The following GNG4 variants were observed in gnomAD, a reference collection of about 807,000 sequenced individuals.
The protein encoded by GNG4 is G protein subunit gamma 4, also known as guanine nucleotide-binding protein G(I)/G(S)/G(O) subunit gamma-4.
In GNG4, 4 loss-of-function variants were observed where a neutral mutation model predicts 5.8. The ratio of observed to expected loss-of-function variants is 0.69; its 90% CI spans 0.34 to 1.57. GNG4 has a LOEUF of 1.57. Among genes scored for constraint, GNG4 ranks in the 40% most tolerant of loss-of-function variants. The probability of loss-of-function intolerance (pLI) is 0.06; values close to 1 mark genes in which losing one functional copy is unlikely to be tolerated. For missense variants in GNG4, 96 were observed against 95.1 expected, an observed-to-expected ratio of 1.01 and a Z score of -0.04; for synonymous variants, 29 against 32.9, an observed-to-expected ratio of 0.88 and a Z score of 0.41.
intron 1 of GNG4, among the ~76,000 whole-genome samples, chr1:235,601,863 C>T (rs902167455): frequency 2.6e-5 from 4 of 152,142 alleles, no homozygotes; most frequent in East Asian, 1.9e-4. Context: ...CAAGGGCAGG[C>T]GAGGACAGTG....
chr1:235,559,854 A>C (rs570075808), intron 3 of GNG4, among the ~76,000 whole-genome samples: 1 of 152,356 alleles, frequency 6.6e-6, no homozygotes, highest in South Asian at 2.1e-4. Context: ...TAAATCTAAG[A>C]TGCTTGAAAG....
chr1:235,650,145 G>T (rs1657638040), upstream of GNG4, among the ~76,000 whole-genome samples: 1 of 149,444 alleles, frequency 6.7e-6, no homozygotes, highest in Non-Finnish European at 1.5e-5. Context: ...CCCGCTACTC[G>T]GGCCCACGCC....
At chr1:235,616,243 G>C in intron 1 of GNG4, 1 of 508,910 alleles carries the variant, frequency 2.0e-6, no homozygotes, top group Non-Finnish European at 3.9e-6. Flanking sequence ...ATATTGCTGT[G>C]GTTGATATGT....
At chr1:235,618,206 C>T (rs1688637208) in intron 1 of GNG4, among the ~76,000 whole-genome samples, 1 of 152,212 alleles carries the variant, frequency 6.6e-6, no homozygotes, top group African/African-American at 2.4e-5. Context: ...GTTTGGGGCA[C>T]TGCAGATGTT....
At chr1:235,591,657 A>G (rs1450401208) in intron 2 of GNG4, among the ~76,000 whole-genome samples, 1 of 152,234 alleles carries the variant, frequency 6.6e-6, no homozygotes, top group African/African-American at 2.4e-5. Flanking sequence ...AAATGGAAGT[A>G]GGAACAGAGA....
chr1:235,555,679 T>A (rs1444299611), intron 3 of GNG4, among the ~76,000 whole-genome samples: 12 of 127,454 alleles, frequency 9.4e-5, no homozygotes, highest in Non-Finnish European at 9.8e-5. Flanking sequence ...ACCCTGTCTC[T>A]AAAAAAAAAA....
At chr1:235,627,243 G>A (rs1688835291) in intron 1 of GNG4, among the ~76,000 whole-genome samples, 1 of 151,798 alleles carries the variant, frequency 6.6e-6, no homozygotes, top group Non-Finnish European at 1.5e-5. Context: ...GTTTTTTTGA[G>A]ACAGAGTCTC....
chr1:235,581,226 T>C (rs1687626374), intron 3 of GNG4, among the ~76,000 whole-genome samples: 1 of 152,184 alleles, frequency 6.6e-6, no homozygotes, highest in Non-Finnish European at 1.5e-5. Context: ...CCCTTGGTAC[T>C]GTTGTTGTAA....
At chr1:235,606,855 G>T (rs960178253) in intron 1 of GNG4, among the ~76,000 whole-genome samples, 3 of 152,078 alleles carry the variant, frequency 2.0e-5, no homozygotes, top group Non-Finnish European at 4.4e-5. Flanking sequence ...GCAGCATGGG[G>T]GGGCGAGCAG....
At chr1:235,615,935 C>G (rs1688579259) in intron 1 of GNG4, 3 of 298,782 alleles carry the variant, frequency 1.0e-5, no homozygotes, top group Non-Finnish European at 1.9e-5. Flanking sequence ...ACTACTTTAT[C>G]AGCACTCTGG....
Position 235,617,217 on chromosome 1 carries a change from C to G in GNG4, c.-122-21706G>C, listed in dbSNP as rs1242051058. Among the ~76,000 whole-genome samples, 4 of 152,162 alleles carry G rather than the reference C, an allele frequency of 2.6e-5. No homozygotes were observed. The East Asian group carries it at 7.7e-4, about 29-fold the overall frequency. On this transcript the variant is annotated intron_variant, in intron 1 of 3. Transcript: ENST00000391854. ...TTTGAAACAGGTTCACCTCTTCTTA[C>G]AGAGAAGATGCAGGAATCCCTCTTA...
chr1:235,608,335 C>T (rs146069435), intron 1 of GNG4, among the ~76,000 whole-genome samples: 1 of 152,304 alleles, frequency 6.6e-6, no homozygotes, highest in African/African-American at 2.4e-5. Flanking sequence ...CATTGAAATG[C>T]TTGAATTAAA....
chr1:235,587,571 T>G (rs1247724152), intron 2 of GNG4, among the ~76,000 whole-genome samples: 1 of 7,552 alleles, frequency 1.3e-4, no homozygotes, highest in Non-Finnish European at 3.5e-4. Context: ...TGTGGGAGGG[T>G]GTGGGGTGGC....
intron 1 of GNG4, among the ~76,000 whole-genome samples, chr1:235,628,218 A>AC (rs1375584174): frequency 6.6e-6 from 1 of 152,132 alleles, no homozygotes; most frequent in African/African-American, 2.4e-5. Flanking sequence ...AACAACAACA[A>AC]AAAACCAGAC....
chr1:235,605,070 T>C (rs745404620), intron 1 of GNG4, among the ~76,000 whole-genome samples: 14 of 152,142 alleles, frequency 9.2e-5, no homozygotes, highest in Admixed American at 2.0e-4. Context: ...AGCCATTAAA[T>C]AGCTAATAAG....
intron 3 of GNG4, among the ~76,000 whole-genome samples, chr1:235,552,518 C>T (rs971510203): frequency 5.3e-5 from 8 of 152,102 alleles, no homozygotes; most frequent in Non-Finnish European, 1.2e-4. Flanking sequence ...GATATATTCT[C>T]GAGTAGGTGA....
chr1:235,621,869 G>A (rs1571918054), intron 1 of GNG4, among the ~76,000 whole-genome samples: 1 of 152,076 alleles, frequency 6.6e-6, no homozygotes, highest in East Asian at 1.9e-4. Flanking sequence ...TAGAGATGGG[G>A]TTTTGCCATG....
intron 2 of GNG4, among the ~76,000 whole-genome samples, chr1:235,590,931 T>C (rs1322370094): frequency 6.6e-6 from 1 of 152,186 alleles, no homozygotes; most frequent in Non-Finnish European, 1.5e-5. Flanking sequence ...TTAACGTGCA[T>C]ATGAATCACC....
At chr1:235,598,511 A>C (rs1688181441) in intron 1 of GNG4, among the ~76,000 whole-genome samples, 1 of 152,156 alleles carries the variant, frequency 6.6e-6, no homozygotes, top group African/African-American at 2.4e-5. Flanking sequence ...CAGGAGGCTG[A>C]GGCAGGAGGA....
Sources: allele counts gnomAD v4.1 joint callset (sites outside exome capture counted in the v4.1 genomes callset), GRCh38; gene constraint gnomAD v4.1.1; transcripts MANE v1.5; gene names NCBI Gene and HGNC (gene_info 2026-07-23, HGNC 2026-07-21).